DOK6: variants seen among roughly 807,000 people sequenced by gnomAD.
DOK6 encodes the protein docking protein 6.
DOK6 carries 22 observed loss-of-function variants against 44.0 expected under a neutral mutation model. The ratio of observed to expected loss-of-function variants is 0.50; its 90% CI spans 0.36 to 0.71. DOK6 has a LOEUF of 0.71. Among genes scored for constraint, DOK6 ranks in the 30% least tolerant of loss-of-function variants. The pLI is 0.00. For synonymous variants in DOK6, 166 were observed against 145.5 expected (o/e 1.14, Z -1.01); for missense variants, 340 against 416.4 (o/e 0.82, Z 1.60).
rs1269638558 is a variant in DOK6 at position 69,842,630 on chromosome 18, T to A, written c.*1247T>A. 2 of 152,144 alleles carry A rather than the reference T, an allele frequency of 1.3e-5. No homozygotes were observed. The highest frequency in any genetic ancestry group is 2.9e-5 in the Non-Finnish European group (2 of 68,034). The allele number at this position is 152,144 out of a possible 1,614,324, so 9.4% of individuals were successfully genotyped here. A position where few individuals can be genotyped will look rare whatever the true frequency, so the allele number is the denominator to read the frequency against. ...ACAGGTTGTCTGAGATTATAAGAAA[T>A]AAAATAGATCAATAATTTTCATCAT... On this transcript the variant is annotated 3_prime_UTR_variant, in exon 8 of 8. Coordinates refer to ENST00000382713, the MANE Select transcript of DOK6 (RefSeq NM_152721.6).
At chr18:69,440,365 G>GA (rs1979102213) in intron 1 of DOK6, among the ~76,000 whole-genome samples, 1 of 152,160 alleles carries the variant, frequency 6.6e-6, no homozygotes, top group Non-Finnish European at 1.5e-5. Context: ...CATGCTGTTG[G>GA]AAAAATGGAG....
At chr18:69,782,762 T>C (rs1980315796) in intron 7 of DOK6, among the ~76,000 whole-genome samples, 1 of 152,138 alleles carries the variant, frequency 6.6e-6, no homozygotes, top group Non-Finnish European at 1.5e-5. Flanking sequence ...AGACTCCGTC[T>C]CAAAAAATAA....
intron 7 of DOK6, among the ~76,000 whole-genome samples, chr18:69,758,516 T>C (rs1979436448): frequency 6.6e-6 from 1 of 152,138 alleles, no homozygotes; most frequent in Admixed American, 6.6e-5. Flanking sequence ...ACAACCCAGC[T>C]TCAGCAGTTG....
intron 3 of DOK6, among the ~76,000 whole-genome samples, chr18:69,613,579 G>C (rs1018286108): frequency 6.6e-6 from 1 of 151,792 alleles, no homozygotes; most frequent in Non-Finnish European, 1.5e-5. Context: ...TCCTATGAGC[G>C]GTTCTATTGA....
At chr18:69,739,665 T>C (rs1465611794) in intron 6 of DOK6, among the ~76,000 whole-genome samples, 1 of 152,186 alleles carries the variant, frequency 6.6e-6, no homozygotes, top group Non-Finnish European at 1.5e-5. Flanking sequence ...TAGTAAAGAA[T>C]CTAAAGTAGT....
At chr18:69,721,894 G>A (rs527316267) in intron 5 of DOK6, among the ~76,000 whole-genome samples, 63 of 152,214 alleles carry the variant, frequency 4.1e-4, no homozygotes, top group African/African-American at 1.1e-3. Context: ...TTTATTCTCC[G>A]TAAGGCAAAC....
At chr18:69,819,415 C>G (rs1311862242) in intron 7 of DOK6, among the ~76,000 whole-genome samples, 1 of 152,174 alleles carries the variant, frequency 6.6e-6, no homozygotes, top group East Asian at 1.9e-4. Flanking sequence ...GTGAATATCT[C>G]TCCTGGGGGA....
At chr18:69,839,124 T>C (rs1204714429) in intron 7 of DOK6, among the ~76,000 whole-genome samples, 3 of 143,998 alleles carry the variant, frequency 2.1e-5, no homozygotes, top group Non-Finnish European at 4.5e-5. Flanking sequence ...TCGCTCCCCT[T>C]GTCCCTCACC....
At chr18:69,768,948 G>GGTGTGGGTGTGTGTGTGTGT (rs1341229658) in intron 7 of DOK6, among the ~76,000 whole-genome samples, 1 of 37,656 alleles carries the variant, frequency 2.7e-5, no homozygotes, top group Non-Finnish European at 1.1e-4. Flanking sequence ...AGATTTGAAG[G>GGTGTGGGTGTGTGTGTGTGT]GTGTGCGTGT....
At chr18:69,518,342 T>C (rs895859377) in intron 1 of DOK6, among the ~76,000 whole-genome samples, 1 of 152,092 alleles carries the variant, frequency 6.6e-6, no homozygotes, top group Non-Finnish European at 1.5e-5. Flanking sequence ...TTTCTTTTCA[T>C]AATGTGGTGT....
chr18:69,739,703 A>T (rs1978736072), intron 6 of DOK6, among the ~76,000 whole-genome samples: 1 of 152,186 alleles, frequency 6.6e-6, no homozygotes, highest in South Asian at 2.1e-4. Context: ...CAAGCTGAAA[A>T]ATAATTATAA....
chr18:69,424,194 G>A (rs1446796353), intron 1 of DOK6, among the ~76,000 whole-genome samples: 2 of 152,126 alleles, frequency 1.3e-5, no homozygotes, highest in African/African-American at 2.4e-5. Context: ...GATTTGCTGG[G>A]CATAGGTTGG....
In DOK6 at chr18:69,507,204, T is replaced by G. The variant is rs182995361; in HGVS notation, c.67-57283T>G. Among the ~76,000 whole-genome samples the G allele has an allele frequency of 2.6e-3, 395 of 152,176 alleles. 3 individuals carry two copies. The highest frequency in any genetic ancestry group is 2.6e-3 in the Non-Finnish European group (180 of 67,992). On this transcript the variant is annotated intron_variant, in intron 1 of 7. Transcript: ENST00000382713. Reference sequence around the variant, plus strand: ...CACCGTGGCTTGCTAATTTTTTGTATTTTCAGTAGAGAGGGGGTTTCACCG... The same window carrying G: ...CACCGTGGCTTGCTAATTTTTTGTAGTTTCAGTAGAGAGGGGGTTTCACCG...
chr18:69,707,603 T>A (rs1219602240), intron 5 of DOK6, among the ~76,000 whole-genome samples: 1 of 152,206 alleles, frequency 6.6e-6, no homozygotes, highest in African/African-American at 2.4e-5. Flanking sequence ...CTCCGTGGTT[T>A]ATGCAACTGG....
chr18:69,580,962 C>G (rs1983355378), intron 2 of DOK6, among the ~76,000 whole-genome samples: 1 of 152,172 alleles, frequency 6.6e-6, no homozygotes. Context: ...TTCACTTAAT[C>G]TCCTCCAAAC....
At chr18:69,748,396 A>G (rs1454701546) in intron 6 of DOK6, among the ~76,000 whole-genome samples, 1 of 151,894 alleles carries the variant, frequency 6.6e-6, no homozygotes, top group East Asian at 1.9e-4. Flanking sequence ...GACCTGATAA[A>G]CCCACCCCCA....
At chr18:69,512,664 G>A (rs1237591076) in intron 1 of DOK6, among the ~76,000 whole-genome samples, 1 of 152,032 alleles carries the variant, frequency 6.6e-6, no homozygotes, top group Non-Finnish European at 1.5e-5. Flanking sequence ...CTTTAATCCA[G>A]CAAGAAACAG....
At chr18:69,542,554 G>A (rs989754914) in intron 1 of DOK6, among the ~76,000 whole-genome samples, 9 of 151,432 alleles carry the variant, frequency 5.9e-5, no homozygotes, top group African/African-American at 1.2e-4. Context: ...GTTACGTAGC[G>A]CTACACGAAA....
chr18:69,708,301 G>A (rs754874934), intron 5 of DOK6, among the ~76,000 whole-genome samples: 7 of 152,134 alleles, frequency 4.6e-5, no homozygotes, highest in Non-Finnish European at 8.8e-5. Flanking sequence ...CTGAGCAATC[G>A]TGGTTTGAAA....
Sources: gnomAD v4.1 joint callset for allele counts (sites outside exome capture counted in the v4.1 genomes callset) on GRCh38, gnomAD v4.1.1 for gene constraint, MANE v1.5 for transcripts, NCBI Gene and HGNC (gene_info 2026-07-23, HGNC 2026-07-21) for gene names.